The following PDZRN4 variants were observed in gnomAD, a reference collection of about 807,000 sequenced individuals.
PDZRN4 encodes PDZ domain containing ring finger 4.
In PDZRN4, 70 loss-of-function variants were observed where a neutral mutation model predicts 99.0. That is an observed-to-expected ratio of 0.71 (90% CI 0.58 to 0.86). The LOEUF is 0.86. PDZRN4 is among the 40% of genes least tolerant of loss of function. PDZRN4 has a pLI of 0.00. For synonymous variants in PDZRN4, 551 were observed against 501.6 expected, an observed-to-expected ratio of 1.10 and a Z score of -1.32; for missense variants, 1,474 against 1,331.2, an observed-to-expected ratio of 1.11 and a Z score of -1.67.
rs1315016323 is a variant in PDZRN4, at chr12:41,550,452, G to A, written c.1204-2204G>A. ...TTTGTTGCTATAATTCCTTCCTAATGTTGCAGTTTTAGTCAAGTATTCTTT... is the reference window on the plus strand; with the variant it reads ...TTTGTTGCTATAATTCCTTCCTAATATTGCAGTTTTAGTCAAGTATTCTTT... On this transcript the variant is annotated intron_variant, in intron 5 of 9. Coordinates refer to ENST00000402685, the MANE Select transcript of PDZRN4 (RefSeq NM_001164595.2). Among the ~76,000 whole-genome samples the A allele has an allele frequency of 2.6e-5, 4 of 152,216 alleles. No individual in the cohort carries two copies. The East Asian group carries it at 5.8e-4, about 22-fold the overall frequency.
At chr12:41,312,728 G>A (rs889855216) in intron 3 of PDZRN4, among the ~76,000 whole-genome samples, 2 of 152,050 alleles carry the variant, frequency 1.3e-5, no homozygotes, top group African/African-American at 2.4e-5. Flanking sequence ...TCCTGCCCCC[G>A]AGATTCAATT....
At position 41,573,804 on chromosome 12, in the gene PDZRN4, A is replaced by G. The variant is rs1939529297; in HGVS notation, c.3025A>G (p.Thr1009Ala). The change falls in exon 10 of 10, where the codon ACA (threonine) becomes GCA (alanine). Residue 1009 changes from threonine to alanine, a missense_variant. Thr to Ala is a moderately conservative substitution (Grantham distance 58). Coordinates refer to ENST00000402685, the MANE Select transcript of PDZRN4 (RefSeq NM_001164595.2). The part of the protein sequence containing the change: ...RNKKILDNWM[T>A]IQELMTHGAK... ...CAAGAAAATTTTGGACAACTGGATG[A>G]CAATCCAAGAACTGATGACCCATGG... The G allele has an allele frequency of 6.2e-7, 1 of 1,613,302 alleles. No homozygotes were observed. Among genetic ancestry groups the G allele is most frequent in the Non-Finnish European group, 8.5e-7 (1 of 1,179,630 alleles).
At chr12:41,402,049 C>T (rs1450212400) in intron 3 of PDZRN4, among the ~76,000 whole-genome samples, 2 of 142,952 alleles carry the variant, frequency 1.4e-5, no homozygotes, top group African/African-American at 5.4e-5. Flanking sequence ...CTTCTTCCCA[C>T]TCCTCCCACC....
chr12:41,228,916 G>C (rs1208099566), intron 3 of PDZRN4, among the ~76,000 whole-genome samples: 2 of 151,986 alleles, frequency 1.3e-5, no homozygotes, highest in Non-Finnish European at 2.9e-5. Flanking sequence ...AAATCAGACA[G>C]AAGAAGTGTT....
intron 3 of PDZRN4, among the ~76,000 whole-genome samples, chr12:41,458,777 G>C (rs558130339): frequency 1.3e-5 from 2 of 152,304 alleles, no homozygotes; most frequent in South Asian, 2.1e-4. Context: ...CTCTGGGCAA[G>C]AGTAGTGAGA....
chr12:41,545,549 G>GTT (rs1938933905), intron 5 of PDZRN4, among the ~76,000 whole-genome samples: 2 of 149,178 alleles, frequency 1.3e-5, no homozygotes, highest in South Asian at 4.2e-4. Flanking sequence ...GTGTGTGTGT[G>GTT]TGTGACAATG....
intron 3 of PDZRN4, among the ~76,000 whole-genome samples, chr12:41,246,757 C>A (rs558036649): frequency 6.6e-6 from 1 of 152,244 alleles, no homozygotes; most frequent in African/African-American, 2.4e-5. Context: ...CTCTGTTATT[C>A]TTAATGCCTT....
intron 5 of PDZRN4, among the ~76,000 whole-genome samples, chr12:41,514,669 G>A (rs767597961): frequency 2.0e-4 from 30 of 152,026 alleles, no homozygotes; most frequent in Non-Finnish European, 4.0e-4. Flanking sequence ...GGTTCCCATT[G>A]GTGTCTGCAT....
At chr12:41,352,239 AC>A (rs1477805627) in intron 3 of PDZRN4, among the ~76,000 whole-genome samples, 1 of 152,072 alleles carries the variant, frequency 6.6e-6, no homozygotes, top group Non-Finnish European at 1.5e-5. Flanking sequence ...CATGGGCTAC[AC>A]TTTTAAGAAG....
chr12:41,225,823 G>T (rs1330928547), intron 3 of PDZRN4, among the ~76,000 whole-genome samples: 1 of 152,100 alleles, frequency 6.6e-6, no homozygotes, highest in Non-Finnish European at 1.5e-5. Flanking sequence ...GCTATAAGGT[G>T]TTGTAGGAGT....
intron 3 of PDZRN4, among the ~76,000 whole-genome samples, chr12:41,270,194 G>A (rs1951304698): frequency 6.6e-6 from 1 of 151,916 alleles, no homozygotes; most frequent in African/African-American, 2.4e-5. Context: ...TGCGCTAATA[G>A]ATGTAACAAT....
intron 3 of PDZRN4, among the ~76,000 whole-genome samples, chr12:41,279,206 TA>T (rs1220486797): frequency 6.6e-6 from 1 of 152,214 alleles, no homozygotes; most frequent in Non-Finnish European, 1.5e-5. Flanking sequence ...ATTCTTGACA[TA>T]AGTCATTTAT....
At chr12:41,202,538 C>T (rs183230400) in intron 3 of PDZRN4, among the ~76,000 whole-genome samples, 1 of 152,006 alleles carries the variant, frequency 6.6e-6, no homozygotes, top group African/African-American at 2.4e-5. Context: ...TTATTACAGC[C>T]ACATCACAGT....
chr12:41,249,754 T>C (rs1217895673), intron 3 of PDZRN4, among the ~76,000 whole-genome samples: 2 of 152,186 alleles, frequency 1.3e-5, no homozygotes, highest in Non-Finnish European at 2.9e-5. Context: ...CTTTACACTT[T>C]GACATTTTCT....
intron 3 of PDZRN4, among the ~76,000 whole-genome samples, chr12:41,324,169 G>C (rs1387908469): frequency 6.6e-6 from 1 of 151,984 alleles, no homozygotes; most frequent in Non-Finnish European, 1.5e-5. Flanking sequence ...AAAATGATCT[G>C]ATTTTTCCTT....
chr12:41,281,955 C>T (rs1951388541), intron 3 of PDZRN4, among the ~76,000 whole-genome samples: 1 of 152,198 alleles, frequency 6.6e-6, no homozygotes, highest in Admixed American at 6.5e-5. Context: ...TATGAAGAAA[C>T]TGCATCATCT....
intron 3 of PDZRN4, among the ~76,000 whole-genome samples, chr12:41,484,567 G>A (rs1331263853): frequency 6.6e-6 from 1 of 152,122 alleles, no homozygotes; most frequent in Non-Finnish European, 1.5e-5. Flanking sequence ...AATGCATACA[G>A]GATATTTAAC....
chr12:41,432,879 G>A (rs1021051686), intron 3 of PDZRN4, among the ~76,000 whole-genome samples: 1 of 152,168 alleles, frequency 6.6e-6, no homozygotes, highest in African/African-American at 2.4e-5. Flanking sequence ...GAGCAGTTCA[G>A]CTTTGCTGGA....
intron 3 of PDZRN4, among the ~76,000 whole-genome samples, chr12:41,285,078 G>C (rs1055471114): frequency 6.6e-6 from 1 of 151,990 alleles, no homozygotes; most frequent in Non-Finnish European, 1.5e-5. Context: ...GCAACCTACA[G>C]AATGGGAGAA....
Sources: allele counts gnomAD v4.1 joint callset (sites outside exome capture counted in the v4.1 genomes callset), GRCh38; gene constraint gnomAD v4.1.1; transcripts MANE v1.5; gene names NCBI Gene and HGNC (gene_info 2026-07-23, HGNC 2026-07-21).